Variants in SLC7A7 observed in about 807,000 individuals in gnomAD.
SLC7A7 encodes solute carrier family 7 member 7, also known as Y+L amino acid transporter 1.
In SLC7A7, 39 loss-of-function variants were observed where a neutral mutation model predicts 47.9. The ratio of observed to expected loss-of-function variants is 0.81; its 90% CI spans 0.63 to 1.06. SLC7A7 has a LOEUF of 1.06. SLC7A7 is among the 50% of genes least tolerant of loss of function. The pLI is 0.00. For missense variants in SLC7A7, 588 were observed against 632.0 expected (o/e 0.93, Z 0.75); for synonymous variants, 234 against 242.8 (o/e 0.96, Z 0.34).
rs1566440886 is a variant in SLC7A7 at position 22,776,417 on chromosome 14, G to C, written c.771-99C>G. On this transcript the variant is annotated intron_variant, in intron 4 of 9. Transcript: ENST00000674313. ...TCCCTGCCACACCGGTCTTTCCAGG[G>C]ATGGAGACTGTTGCTACATTTCCTC... 8.1e-6 allele frequency: 12 copies of C among 1,482,362 alleles called. No homozygotes were observed. The East Asian group carries it at 2.3e-4, about 28-fold the overall frequency. 91.8% of individuals were successfully genotyped at this position (1,482,362 alleles called of 1,614,324 possible). A position where few individuals can be genotyped will look rare whatever the true frequency, so the allele number is the denominator to read the frequency against.
intron 1 of SLC7A7, among the ~76,000 whole-genome samples, chr14:22,813,650 C>T (rs2039359837): frequency 6.6e-6 from 1 of 152,114 alleles, no homozygotes; most frequent in Non-Finnish European, 1.5e-5. Context: ...CAGAGTCTCG[C>T]TCTGTAGCCC....
At chr14:22,804,192 A>C (rs1226192300) in intron 2 of SLC7A7, among the ~76,000 whole-genome samples, 2 of 152,174 alleles carry the variant, frequency 1.3e-5, no homozygotes, top group African/African-American at 4.8e-5. Context: ...ATCTTATACA[A>C]AAATTAACTC....
chr14:22,788,913 A>C (rs2065135), intron 2 of SLC7A7, among the ~76,000 whole-genome samples: 1 of 151,896 alleles, frequency 6.6e-6, no homozygotes, highest in African/African-American at 2.4e-5. Flanking sequence ...GAAGAGCATA[A>C]GAAGGGCTCA....
intron 2 of SLC7A7, among the ~76,000 whole-genome samples, chr14:22,790,206 GT>G (rs1358500861): frequency 6.6e-6 from 1 of 151,828 alleles, no homozygotes; most frequent in Admixed American, 6.6e-5. Flanking sequence ...GCGTGCACCT[GT>G]AGTCTCAACT....
At chr14:22,791,831 C>CA (rs2038927599) in intron 2 of SLC7A7, among the ~76,000 whole-genome samples, 1 of 53,480 alleles carries the variant, frequency 1.9e-5, no homozygotes. Context: ...ATCTCTACAC[C>CA]TTTTTTTTTT....
chr14:22,788,042 C>T (rs1285490499), intron 2 of SLC7A7, among the ~76,000 whole-genome samples: 2 of 151,670 alleles, frequency 1.3e-5, no homozygotes, highest in African/African-American at 2.4e-5. Context: ...CACCGCACTC[C>T]AGCCTGGGTG....
rs149810006 is a variant in SLC7A7, at chr14:22,813,171, C to A, written c.228G>T (p.Trp76Cys). 6.2e-7 allele frequency: 1 copy of A among 1,614,176 alleles called. No homozygotes were observed. Residue 76 changes from tryptophan (W) to cysteine (C), a missense_variant, in exon 2 of 10, where the codon TGG (tryptophan) becomes TGT (cysteine). By Grantham distance (215) the Trp-to-Cys change is radical. Transcript: ENST00000674313. ...SASFGLSLVI[W>C]AVGGLFSVFG... ...AGACGGAGAAGAGGCCCCCGACAGC[C>A]CAGATGACCAGAGAGAGACCAAAGG...
At chr14:22,775,337 T>C in intron 7 of SLC7A7, 107 bp downstream of exon 7, 2 of 938,352 alleles carry the variant, frequency 2.1e-6, no homozygotes, top group South Asian at 2.6e-5. Flanking sequence ...CAATAGTTTT[T>C]CTATTGGAAT....
chr14:22,773,904 C>G (rs1361425375), intron 9 of SLC7A7, 29 bp downstream of exon 9: 2 of 1,613,332 alleles, frequency 1.2e-6, no homozygotes, highest in Non-Finnish European at 1.7e-6. Context: ...TCTGCAATAG[C>G]TGAGCGGACT....
At chr14:22,775,788 A>G (rs773129400) in intron 6 of SLC7A7, 45 bp downstream of exon 6, 3 of 1,362,712 alleles carry the variant, frequency 2.2e-6, no homozygotes, top group African/African-American at 1.4e-5. Context: ...TGTCCACTGC[A>G]TAGCCCTTTG....
chr14:22,775,255 T>G (rs1407524340), intron 7 of SLC7A7, among the ~76,000 whole-genome samples, 189 bp downstream of exon 7: 3 of 122,042 alleles, frequency 2.5e-5, no homozygotes, highest in African/African-American at 8.1e-5. Context: ...GGTGTACCAT[T>G]CCTTAGAGCA....
chr14:22,810,933 G>T (rs1246991242), intron 2 of SLC7A7, among the ~76,000 whole-genome samples: 1 of 151,764 alleles, frequency 6.6e-6, no homozygotes, highest in Non-Finnish European at 1.5e-5. Flanking sequence ...AGCCGAGATT[G>T]TGCCATTGCA....
chr14:22,807,699 C>T (rs976767334), intron 2 of SLC7A7, among the ~76,000 whole-genome samples: 1 of 152,218 alleles, frequency 6.6e-6, no homozygotes, highest in African/African-American at 2.4e-5. Context: ...ACCAAACCAA[C>T]GACCTGGAAT....
At chr14:22,818,300 A>G (rs2039432805), upstream of SLC7A7, among the ~76,000 whole-genome samples, 1 of 151,132 alleles carries the variant, frequency 6.6e-6, no homozygotes, top group South Asian at 2.1e-4. Flanking sequence ...CCCTAGTGGT[A>G]GCACCAGGAA....
In SLC7A7 at chr14:22,773,271, G is replaced by A; in HGVS notation, c.*339C>T. On this transcript the variant is annotated 3_prime_UTR_variant, in exon 10 of 10. Transcript: ENST00000674313. ...CATCCAGCACCTGTGATAGTTTCAT[G>A]TCTCTCTAAAGGAGACAGGAAATTG... The A allele has an allele frequency of 2.2e-6, 1 of 453,828 alleles. No individual in the cohort carries two copies. Among genetic ancestry groups the A allele is most frequent in the Non-Finnish European group, 4.3e-6 (1 of 234,552 alleles). 28.1% of individuals were successfully genotyped at this position (453,828 alleles called of 1,614,324 possible). A position where few individuals can be genotyped will look rare whatever the true frequency, so the allele number is the denominator to read the frequency against.
chr14:22,777,243 A>G (rs1156866718), intron 4 of SLC7A7, among the ~76,000 whole-genome samples: 4 of 151,640 alleles, frequency 2.6e-5, no homozygotes, highest in Non-Finnish European at 4.4e-5. Context: ...TTTGTTTTAT[A>G]CCCCAAAGAT....
chr14:22,773,752 G>T (rs1290396705), intron 9 of SLC7A7, 36 bp from the exon 10 acceptor site: 1 of 1,603,016 alleles, frequency 6.2e-7, no homozygotes, highest in Non-Finnish European at 8.5e-7. Context: ...TTGAGAAGAG[G>T]TCAGCTGGGC....
rs1416610080 is a variant in SLC7A7 at position 22,813,408 on chromosome 14, G to A, written c.-10C>T. 2.5e-6 allele frequency: 4 copies of A among 1,609,488 alleles called. No individual in the cohort carries two copies. In the South Asian group the frequency reaches 4.4e-5, roughly 18 times the overall value. ...CAGTGCTGTCAACCATGGTGGAGGA[G>A]AGGAAACCCTTCACCAGCTTCCTGG... On this transcript the variant is annotated 5_prime_UTR_variant, in exon 2 of 10. Transcript: ENST00000674313.
intron 2 of SLC7A7, among the ~76,000 whole-genome samples, chr14:22,810,660 A>T (rs1389803690): frequency 6.6e-6 from 1 of 152,116 alleles, no homozygotes; most frequent in African/African-American, 2.4e-5. Flanking sequence ...AAGTAATGCA[A>T]GAGAAATCAC....
Sources: gnomAD v4.1 joint callset for allele counts (sites outside exome capture counted in the v4.1 genomes callset) on GRCh38, gnomAD v4.1.1 for gene constraint, MANE v1.5 for transcripts, NCBI Gene and HGNC (gene_info 2026-07-23, HGNC 2026-07-21) for gene names.